Variants in PTPRN2 observed in about 807,000 individuals in gnomAD.
The protein encoded by PTPRN2 is receptor-type tyrosine-protein phosphatase N2.
PTPRN2 carries 74 observed loss-of-function variants against 118.8 expected under a neutral mutation model. That is an observed-to-expected ratio of 0.62 (90% confidence interval 0.52 to 0.76). PTPRN2 has a LOEUF of 0.76. Among genes scored for constraint, PTPRN2 ranks in the 30% least tolerant of loss-of-function variants. PTPRN2 has a pLI of 0.00. For synonymous variants in PTPRN2, 641 were observed against 608.0 expected (o/e 1.05, Z -0.80); for missense variants, 1,481 against 1,394.4 (o/e 1.06, Z -0.99).
At chr7:157,600,865 G>C (rs1801629153) in intron 16 of PTPRN2, among the ~76,000 whole-genome samples, 1 of 152,172 alleles carries the variant, frequency 6.6e-6, no homozygotes, top group African/African-American at 2.4e-5. Context: ...TCTTATGCTA[G>C]TCAGAACATC....
rs1271983473 is a variant in PTPRN2, at chr7:157,729,156, G to T, written c.1789-46219C>A. ...ATACCCATCTCTGTTTTTTTTTTTG[G>T]ACAGAATTCCTATTAAATACAATAT... is the stretch of plus-strand genomic sequence containing the variant. On this transcript the variant is annotated intron_variant, in intron 12 of 22. Transcript: ENST00000389418. The surrounding 1 kb of genome is among the most constrained non-coding windows in gnomAD (Gnocchi z 4.3). 6.6e-6 allele frequency among the ~76,000 whole-genome samples: 1 copy of T among 151,050 alleles called. No individual in the cohort carries two copies. Among genetic ancestry groups the T allele is most frequent in the East Asian group, 1.9e-4 (1 of 5,190 alleles).
chr7:157,692,807 C>A (rs1387708708), intron 12 of PTPRN2, among the ~76,000 whole-genome samples: 1 of 152,076 alleles, frequency 6.6e-6, no homozygotes, highest in Non-Finnish European at 1.5e-5. Context: ...CCTCTCGTCC[C>A]CCCTGCCCAG....
chr7:158,347,077 T>C (rs1807567719), intron 2 of PTPRN2, among the ~76,000 whole-genome samples: 1 of 152,228 alleles, frequency 6.6e-6, no homozygotes, highest in African/African-American at 2.4e-5. Flanking sequence ...CTAACTGTTT[T>C]GTTTGCTGTG....
rs139450065 is a variant in PTPRN2 at position 157,579,582 on chromosome 7, A to G, written c.2497-1442T>C. ...ATCATCCGGCACTCGGCTCCGTGCC[A>G]CCCAAGTGTGACATTACAGAGCCCC... On this transcript the variant is annotated intron_variant, in intron 17 of 22. Transcript: ENST00000389418. Among the ~76,000 whole-genome samples, 481 of 152,360 alleles carry G rather than the reference A, an allele frequency of 3.2e-3. 3 individuals are homozygous for G. Among genetic ancestry groups the G allele is most frequent in the African/African-American group, 0.011 (460 of 41,584 alleles).
At chr7:158,424,591 C>T (rs1298713347) in intron 2 of PTPRN2, among the ~76,000 whole-genome samples, 1 of 152,248 alleles carries the variant, frequency 6.6e-6, no homozygotes, top group Non-Finnish European at 1.5e-5. Context: ...CACATGCCAG[C>T]ACGCGTAATG....
chr7:158,157,039 T>C (rs563133035), intron 6 of PTPRN2, among the ~76,000 whole-genome samples: 3 of 150,746 alleles, frequency 2.0e-5, no homozygotes, highest in Non-Finnish European at 4.4e-5. Context: ...GGCCTACCCA[T>C]TGTGCTTACA....
chr7:158,343,745 G>A (rs1471752927), intron 2 of PTPRN2, among the ~76,000 whole-genome samples: 1 of 148,826 alleles, frequency 6.7e-6, no homozygotes, highest in Non-Finnish European at 1.5e-5. Flanking sequence ...GCTCCCGGTG[G>A]AATCAGCCCC....
chr7:157,734,633 AAC>A (rs547911185), intron 12 of PTPRN2, among the ~76,000 whole-genome samples: 65 of 152,318 alleles, frequency 4.3e-4, no homozygotes, highest in African/African-American at 1.5e-3. Flanking sequence ...GCCCCAAATA[AAC>A]AGTCTCTATT....
chr7:157,648,592 G>A lies in PTPRN2; in HGVS notation c.2196+7765C>T, dbSNP rs568289813. ...GACCCATCCAGCATGCACTGAACTCGGTGGGTCGGACCCATCCAGCGTGCA... is the reference window on the plus strand; with the variant it reads ...GACCCATCCAGCATGCACTGAACTCAGTGGGTCGGACCCATCCAGCGTGCA... On this transcript the variant is annotated intron_variant, in intron 14 of 22. Transcript: ENST00000389418. Among the ~76,000 whole-genome samples the A allele has an allele frequency of 2.2e-3, 295 of 131,718 alleles. 3 individuals are homozygous for A. The highest frequency in any genetic ancestry group is 7.7e-3 in the African/African-American group (283 of 36,530). The allele number at this position is 131,718 out of a possible 152,430, so 86.4% of individuals were successfully genotyped here.
chr7:158,385,567 C>T (rs1209076044), intron 2 of PTPRN2, among the ~76,000 whole-genome samples: 3 of 152,182 alleles, frequency 2.0e-5, no homozygotes, highest in Non-Finnish European at 4.4e-5. Context: ...GTGATTTAAA[C>T]AATTACATTA....
chr7:158,528,752 CCACTG>C (rs1239883538), intron 1 of PTPRN2, among the ~76,000 whole-genome samples: 1 of 151,316 alleles, frequency 6.6e-6, no homozygotes, highest in Admixed American at 6.6e-5. Flanking sequence ...CGAGATCACA[CCACTG>C]CACTGCACTC....
chr7:157,551,235 A>T (rs968742514), intron 21 of PTPRN2, among the ~76,000 whole-genome samples: 3 of 152,126 alleles, frequency 2.0e-5, no homozygotes, highest in African/African-American at 7.2e-5. Context: ...AGAAATGCCC[A>T]TATTGTCTGT....
At chr7:158,439,260 C>T (rs1339819515) in intron 2 of PTPRN2, among the ~76,000 whole-genome samples, 4 of 152,008 alleles carry the variant, frequency 2.6e-5, no homozygotes, top group Non-Finnish European at 5.9e-5. Flanking sequence ...CCACCTCCTG[C>T]GCATGCCTCA....
At chr7:157,998,817 CAAAAAA>C in intron 11 of PTPRN2, among the ~76,000 whole-genome samples, 1 of 59,180 alleles carries the variant, frequency 1.7e-5, no homozygotes, top group Non-Finnish European at 3.8e-5. Context: ...TACTCCATCT[CAAAAAA>C]AAAAAAAAAA....
Position 158,138,441 on chromosome 7 carries a change from G to T in PTPRN2, c.985C>A (p.Leu329Met). 1 of 1,613,346 alleles carries T rather than the reference G, an allele frequency of 6.2e-7. No individual in the cohort carries two copies. Residue 329 changes from leucine (L) to methionine (M), a missense_variant, in exon 7 of 23, where the codon CTG becomes ATG. By Grantham distance (15) the Leu-to-Met change is conservative. This residue lies in a region of PTPRN2 where 1,115 missense variants were observed against 994.2 expected (regional missense o/e 1.12). Coordinates refer to ENST00000389418, the MANE Select transcript of PTPRN2 (RefSeq NM_002847.5). Reference sequence around the variant, plus strand: ...GCCATCAGCTCAGCCATGCCGTCCAGCTCCAGGCCACTCAGGCCCCTCACC... The same window carrying T: ...GCCATCAGCTCAGCCATGCCGTCCATCTCCAGGCCACTCAGGCCCCTCACC... The part of the protein sequence containing the change: ...AEVRGLSGLE[L>M]DGMAELMAGL...
At chr7:157,581,490 T>A (rs906044864) in intron 17 of PTPRN2, among the ~76,000 whole-genome samples, 1 of 152,098 alleles carries the variant, frequency 6.6e-6, no homozygotes, top group African/African-American at 2.4e-5. Flanking sequence ...ACACAGGGGT[T>A]AAAGCCTGCT....
chr7:158,453,590 A>G (rs1201727366), intron 2 of PTPRN2, among the ~76,000 whole-genome samples: 1 of 134,946 alleles, frequency 7.4e-6, no homozygotes, highest in Non-Finnish European at 1.6e-5. Flanking sequence ...TCAACGTGGG[A>G]GAGGCTACTG....
At chr7:158,263,867 G>C (rs1405063243) in intron 3 of PTPRN2, among the ~76,000 whole-genome samples, 4 of 152,176 alleles carry the variant, frequency 2.6e-5, no homozygotes, top group African/African-American at 9.6e-5. Flanking sequence ...GGCCGAGCCA[G>C]AGAGCAGCAC....
chr7:158,552,232 G>C (rs958858697), intron 1 of PTPRN2, among the ~76,000 whole-genome samples: 3 of 151,878 alleles, frequency 2.0e-5, no homozygotes, highest in Non-Finnish European at 4.4e-5. Flanking sequence ...CATTTGGGGG[G>C]CCCTGCCTCC....
Sources: gnomAD v4.1 joint callset for allele counts (sites outside exome capture counted in the v4.1 genomes callset) on GRCh38, gnomAD v4.1.1 for gene constraint, gnomAD v4.1.1 regional missense constraint, Gnocchi (gnomAD v3.1) non-coding constraint, MANE v1.5 for transcripts, NCBI Gene and HGNC (gene_info 2026-07-23, HGNC 2026-07-21) for gene names.